MUSK: variants seen among roughly 807,000 people sequenced by gnomAD.
MUSK encodes the protein muscle associated receptor tyrosine kinase.
In MUSK, 55 loss-of-function variants were observed where a neutral mutation model predicts 88.7. That is an observed-to-expected ratio of 0.62 (90% CI 0.50 to 0.78). MUSK has a LOEUF of 0.78. MUSK is among the 30% of genes least tolerant of loss of function. The pLI is 0.00. For missense variants in MUSK, 1,015 were observed against 1,074.3 expected, an observed-to-expected ratio of 0.94 and a Z score of 0.77; for synonymous variants, 387 against 391.9, an observed-to-expected ratio of 0.99 and a Z score of 0.15.
rs1191130214 is a variant in MUSK at position 110,689,893 on chromosome 9, T to G, written c.358+2625T>G. Reference sequence around the variant, plus strand: ...ATATAAATATATATTTAAATATAAATTATATAAATATACATAAAAATACAT... The same window carrying G: ...ATATAAATATATATTTAAATATAAAGTATATAAATATACATAAAAATACAT... On this transcript the variant is annotated intron_variant, in intron 3 of 14. Coordinates refer to ENST00000374448, the MANE Select transcript of MUSK (RefSeq NM_005592.4). 6.8e-5 allele frequency among the ~76,000 whole-genome samples: 6 copies of G among 87,692 alleles called. No homozygotes were observed. In the Admixed American group the frequency reaches 1.1e-3, roughly 16 times the overall value. The allele number at this position is 87,692 out of a possible 152,430, so 57.5% of individuals were successfully genotyped here. A position where few individuals can be genotyped will look rare whatever the true frequency, so the allele number is the denominator to read the frequency against.
At chr9:110,765,918 C>T (rs916071138) in intron 8 of MUSK, among the ~76,000 whole-genome samples, 2 of 152,060 alleles carry the variant, frequency 1.3e-5, no homozygotes, top group Non-Finnish European at 2.9e-5. Context: ...GTATGAACAG[C>T]TGTGTAGAAA....
At chr9:110,689,709 A>ATATATTATATATAAAT (rs1259002278) in intron 3 of MUSK, among the ~76,000 whole-genome samples, 23 of 55,300 alleles carry the variant, frequency 4.2e-4, no homozygotes, top group African/African-American at 1.9e-3. Context: ...ATAAATATAT[A>ATATATTATATATAAAT]ACTATATATG....
chr9:110,733,165 A>G (rs1587969085), intron 5 of MUSK, among the ~76,000 whole-genome samples: 1 of 152,154 alleles, frequency 6.6e-6, no homozygotes, highest in East Asian at 1.9e-4. Context: ...ATCAAAAAGT[A>G]GGAGCATAAA....
intron 12 of MUSK, 138 bp downstream of exon 12, chr9:110,785,154 C>A (rs939617288): frequency 2.6e-6 from 2 of 768,802 alleles, no homozygotes; most frequent in Non-Finnish European, 4.1e-6. Flanking sequence ...AAATTAAGCA[C>A]CCCCATCATG....
intron 7 of MUSK, among the ~76,000 whole-genome samples, chr9:110,749,890 G>C (rs1231688248): frequency 6.6e-6 from 1 of 152,024 alleles, no homozygotes; most frequent in East Asian, 1.9e-4. Flanking sequence ...AACAGGAGAA[G>C]GTCCAGGAGA....
At chr9:110,783,315 C>A (rs1186297794) in intron 11 of MUSK, among the ~76,000 whole-genome samples, 1 of 151,844 alleles carries the variant, frequency 6.6e-6, no homozygotes, top group African/African-American at 2.4e-5. Context: ...AAAGAATTTT[C>A]TCTTACTGGA....
chr9:110,680,487 G>A lies in MUSK; in HGVS notation c.80-2187G>A, dbSNP rs117653820. Among the ~76,000 whole-genome samples the A allele has an allele frequency of 8.8e-3, 1,336 of 151,008 alleles. 8 individuals carry two copies. The highest frequency in any genetic ancestry group is 0.014 in the Non-Finnish European group (959 of 67,774). On this transcript the variant is annotated intron_variant, in intron 1 of 14. Coordinates refer to ENST00000374448, the MANE Select transcript of MUSK (RefSeq NM_005592.4). ...CAGCCTCCACCTCCTGGGTTCAAGC[G>A]ATTATAGTACTTCAGCCTCCCACAT...
At position 110,725,077 on chromosome 9, in the gene MUSK, A is replaced by G. The variant is rs147066786; in HGVS notation, c.629-9174A>G. On this transcript the variant is annotated intron_variant, in intron 5 of 14. Transcript: ENST00000374448. ...CTATATAGCAGAAATAACGCATTAG[A>G]AATTAATTGAAATAATGGCATTCAC... Among the ~76,000 whole-genome samples the G allele has an allele frequency of 2.1e-3, 322 of 152,140 alleles. 1 individual carries two copies. The highest frequency in any genetic ancestry group is 7.5e-3 in the African/African-American group (312 of 41,556).
At chr9:110,790,372 G>C (rs2077952572) in intron 14 of MUSK, among the ~76,000 whole-genome samples, 1 of 152,208 alleles carries the variant, frequency 6.6e-6, no homozygotes, top group Admixed American at 6.5e-5. Context: ...AACATGGATA[G>C]AGCTGAAGGG....
intron 11 of MUSK, among the ~76,000 whole-genome samples, 196 bp from the exon 12 acceptor site, chr9:110,784,619 T>C (rs968075685): frequency 5.3e-5 from 8 of 152,190 alleles, no homozygotes; most frequent in African/African-American, 1.4e-4. Flanking sequence ...CTGAGTCTCA[T>C]CTTTAAAATT....
intron 13 of MUSK, among the ~76,000 whole-genome samples, chr9:110,786,502 C>A (rs769487316): frequency 6.6e-6 from 1 of 151,842 alleles, no homozygotes; most frequent in Non-Finnish European, 1.5e-5. Flanking sequence ...TTCACTTCTA[C>A]GATTTTTAAA....
intron 13 of MUSK, among the ~76,000 whole-genome samples, chr9:110,786,852 A>G (rs2077875966): frequency 6.6e-6 from 1 of 152,160 alleles, no homozygotes; most frequent in African/African-American, 2.4e-5. Flanking sequence ...TTTAATCTCC[A>G]ACTGGCACTT....
At chr9:110,718,454 A>G (rs2076772131) in intron 5 of MUSK, among the ~76,000 whole-genome samples, 1 of 152,006 alleles carries the variant, frequency 6.6e-6, no homozygotes. Context: ...AAGTCTCAGT[A>G]ACAGAATCAC....
intron 5 of MUSK, chr9:110,705,940 C>T: frequency 5.5e-6 from 2 of 360,972 alleles, no homozygotes; most frequent in South Asian, 4.4e-5. Flanking sequence ...TTCATACATT[C>T]TAAGATGCTC....
chr9:110,727,019 C>T (rs985222034), intron 5 of MUSK, among the ~76,000 whole-genome samples: 2 of 151,972 alleles, frequency 1.3e-5, no homozygotes, highest in African/African-American at 4.8e-5. Flanking sequence ...GGAACCGTTA[C>T]GAATATTGTA....
rs147075440 is a variant in MUSK at position 110,738,324 on chromosome 9, T to C, written c.753+3949T>C. On this transcript the variant is annotated intron_variant, in intron 6 of 14. Transcript: ENST00000374448. ...ACATGTGAGCTAAGATTATTATTAC[T>C]GTAACTCTGATGTTAATGAACATGA... is the stretch of plus-strand genomic sequence containing the variant. 3.3e-5 allele frequency among the ~76,000 whole-genome samples: 5 copies of C among 152,302 alleles called. 1 individual carries two copies. Among genetic ancestry groups the C allele is most frequent in the South Asian group, 2.1e-4 (1 of 4,830 alleles).
chr9:110,676,439 G>A (rs550348896), intron 1 of MUSK, among the ~76,000 whole-genome samples: 1 of 149,288 alleles, frequency 6.7e-6, no homozygotes, highest in Non-Finnish European at 1.5e-5. Context: ...AGGATGTGCA[G>A]TTTTGTTACA....
At chr9:110,674,585 A>C (rs2076000431) in intron 1 of MUSK, among the ~76,000 whole-genome samples, 1 of 151,982 alleles carries the variant, frequency 6.6e-6, no homozygotes, top group Non-Finnish European at 1.5e-5. Context: ...ATAGATTCCC[A>C]GAGATGATGA....
chr9:110,691,458 C>T (rs999028769), intron 3 of MUSK, among the ~76,000 whole-genome samples: 1 of 152,124 alleles, frequency 6.6e-6, no homozygotes, highest in Admixed American at 6.6e-5. Flanking sequence ...GTTCTCTTAC[C>T]TTGATTCGTC....
Sources: gnomAD v4.1 joint callset for allele counts (sites outside exome capture counted in the v4.1 genomes callset) on GRCh38, gnomAD v4.1.1 for gene constraint, MANE v1.5 for transcripts, NCBI Gene and HGNC (gene_info 2026-07-23, HGNC 2026-07-21) for gene names.